Variants in MED26 observed in about 807,000 individuals in gnomAD.
MED26 encodes mediator of RNA polymerase II transcription subunit 26.
In MED26, 7 loss-of-function variants were observed where a neutral mutation model predicts 43.7. The ratio of observed to expected loss-of-function variants is 0.16; its 90% confidence interval spans 0.09 to 0.30. The LOEUF (loss-of-function observed/expected upper bound fraction) is 0.30, where lower values mean the gene tolerates loss of function less well. Ranked by LOEUF, MED26 falls within the 10% of genes least tolerant of loss-of-function variation. The pLI is 1.00. For synonymous variants in MED26, 375 were observed against 371.1 expected (o/e 1.01, Z -0.12); for missense variants, 784 against 840.6 (o/e 0.93, Z 0.83).
intron 1 of MED26, chr19:16,612,302 T>C (rs900435360): frequency 1.3e-5 from 2 of 152,218 alleles, no homozygotes; most frequent in African/African-American, 4.8e-5. Context: ...GTTTTTTTCT[T>C]GAGACAGGGT....
chr19:16,612,352 T>C (rs2086203475), intron 1 of MED26: 1 of 152,106 alleles, frequency 6.6e-6, no homozygotes, highest in Non-Finnish European at 1.5e-5. Context: ...TAGCGTGATC[T>C]TGGCTCACCC....
chr19:16,578,331 T>C lies in MED26; in HGVS notation c.147+4A>G. On this transcript the variant is annotated splice_donor_region_variant and intron_variant, in intron 2 of 2. Coordinates refer to ENST00000263390, the MANE Select transcript of MED26 (RefSeq NM_004831.5). ...TCCCAAATGCTGGGGTCTGGGATAC[T>C]CACCTCAAGTGCCTCTTTGGTAATA... The C allele has an allele frequency of 6.2e-7, 1 of 1,613,874 alleles. No individual in the cohort carries two copies. The highest frequency in any genetic ancestry group is 2.2e-5 in the East Asian group (1 of 44,870).
chr19:16,596,065 C>T (rs1253012891), intron 1 of MED26, among the ~76,000 whole-genome samples: 6 of 152,256 alleles, frequency 3.9e-5, no homozygotes, highest in East Asian at 3.9e-4. Context: ...GATTGGAGTG[C>T]AGTGGCACCA....
chr19:16,616,936 G>C (rs555245610), intron 1 of MED26, among the ~76,000 whole-genome samples: 33 of 152,260 alleles, frequency 2.2e-4, no homozygotes, highest in Admixed American at 1.5e-3. Flanking sequence ...GCCCTAAAGA[G>C]AAGACAACCT....
intron 1 of MED26, among the ~76,000 whole-genome samples, chr19:16,590,469 T>A (rs1297132967): frequency 6.6e-6 from 1 of 152,234 alleles, no homozygotes; most frequent in Non-Finnish European, 1.5e-5. Flanking sequence ...TACTCCTAGT[T>A]TGCTGAGAGG....
rs1315570535 is a variant in MED26, at chr19:16,586,683, A to G, written c.73-8274T>C. Among the ~76,000 whole-genome samples the G allele has an allele frequency of 6.6e-6, 1 of 152,162 alleles. No individual in the cohort carries two copies. Among genetic ancestry groups the G allele is most frequent in the Non-Finnish European group, 1.5e-5 (1 of 68,024 alleles). On this transcript the variant is annotated intron_variant, in intron 1 of 2. Coordinates refer to ENST00000263390, the MANE Select transcript of MED26 (RefSeq NM_004831.5). This position sits in a 1 kb window ranked among gnomAD's most constrained non-coding sequence, Gnocchi z 5.1. ...CGGGCTGGCCCTGGGAACAGTGCAC[A>G]TGGAGCACAGACTGCAGTTCTGCAC... is the stretch of plus-strand genomic sequence containing the variant.
intron 1 of MED26, among the ~76,000 whole-genome samples, chr19:16,609,895 C>G (rs544018558): frequency 6.7e-6 from 1 of 148,492 alleles, no homozygotes; most frequent in East Asian, 2.0e-4. Context: ...AAACAAAACC[C>G]ACACCCTAAC....
chr19:16,613,487 A>G (rs1213375328), intron 1 of MED26, among the ~76,000 whole-genome samples: 2 of 152,108 alleles, frequency 1.3e-5, no homozygotes, highest in African/African-American at 2.4e-5. Flanking sequence ...CCGAGGTGGA[A>G]AAAGACAGCA....
intron 1 of MED26, among the ~76,000 whole-genome samples, chr19:16,602,340 C>G (rs2086153794): frequency 6.6e-6 from 1 of 152,190 alleles, no homozygotes; most frequent in African/African-American, 2.4e-5. Flanking sequence ...GGTGGAAGGT[C>G]TTCCTCACAC....
At chr19:16,613,647 C>A (rs1474323037) in intron 1 of MED26, among the ~76,000 whole-genome samples, 2 of 152,224 alleles carry the variant, frequency 1.3e-5, no homozygotes, top group East Asian at 3.8e-4. Context: ...GGGCTCACAG[C>A]TGTGCAGTGC....
In MED26 at chr19:16,577,281, G is replaced by A. The variant is rs374700479; in HGVS notation, c.549C>T (p.Asn183=). 1.0e-4 allele frequency: 166 copies of A among 1,611,666 alleles called. 1 individual carries two copies. Among genetic ancestry groups the A allele is most frequent in the East Asian group, 8.9e-5 (4 of 44,826 alleles). ...LVPNSSPLPT[N]GISGSPESFA... ...AGCTCTCTGGACTCCCACTGATCCC[G>A]TTGGTGGGGAGGGGGGATGAGTTGG... is the stretch of plus-strand genomic sequence containing the variant. Residue 183 remains asparagine, a synonymous_variant, in exon 3 of 3, where the codon AAC becomes AAT. Transcript: ENST00000263390. This position sits in a 1 kb window ranked among gnomAD's most constrained non-coding sequence, Gnocchi z 8.1.
chr19:16,579,413 C>T (rs2086032772), intron 1 of MED26, among the ~76,000 whole-genome samples: 2 of 152,238 alleles, frequency 1.3e-5, no homozygotes, highest in Non-Finnish European at 2.9e-5. Context: ...ACTGACAACA[C>T]TAGGTACTTC....
intron 1 of MED26, among the ~76,000 whole-genome samples, chr19:16,622,581 T>C (rs578074117): frequency 5.4e-4 from 82 of 152,316 alleles, no homozygotes; most frequent in African/African-American, 1.9e-3. Context: ...AGCGGCTGTT[T>C]TGGAAGGTGC....
In MED26 at chr19:16,627,119, G is replaced by C. The variant is rs2086281730; in HGVS notation, c.72+753C>G. ...ACTGAAACAGAGCTCTTGGGTAAAC[G>C]GGAGAGAAAAGTCCTCTTTAATTCA... On this transcript the variant is annotated intron_variant, in intron 1 of 2. Coordinates refer to ENST00000263390, the MANE Select transcript of MED26 (RefSeq NM_004831.5). Among the ~76,000 whole-genome samples the C allele has an allele frequency of 3.9e-5, 6 of 152,236 alleles. No homozygotes were observed. The South Asian group carries it at 1.2e-3, about 32-fold the overall frequency.
At chr19:16,627,753 C>T (rs551236825) in intron 1 of MED26, 119 bp downstream of exon 1, 2 of 656,158 alleles carry the variant, frequency 3.0e-6, no homozygotes, top group Non-Finnish European at 4.5e-6. Flanking sequence ...GGCAGCGGCC[C>T]TCGAGGGGAG....
chr19:16,582,402 C>A (rs2086050204), intron 1 of MED26, among the ~76,000 whole-genome samples: 1 of 152,268 alleles, frequency 6.6e-6, no homozygotes, highest in Non-Finnish European at 1.5e-5. Flanking sequence ...AGCCAGAAGG[C>A]TCCACAGAGC....
At chr19:16,624,124 AC>A (rs145620268) in intron 1 of MED26, among the ~76,000 whole-genome samples, 7,840 of 151,292 alleles carry the variant, frequency 0.052, 267 homozygotes, top group Non-Finnish European at 0.063. Context: ...AAAAAAAAAA[AC>A]CCCTTCTAGA....
At chr19:16,594,477 G>T (rs1304207614) in intron 1 of MED26, among the ~76,000 whole-genome samples, 3 of 152,326 alleles carry the variant, frequency 2.0e-5, no homozygotes, top group Admixed American at 2.0e-4. Context: ...GATTTGGCCT[G>T]GGCTAAATGC....
intron 1 of MED26, among the ~76,000 whole-genome samples, chr19:16,583,714 A>T (rs2086057072): frequency 6.6e-6 from 1 of 152,154 alleles, no homozygotes; most frequent in Non-Finnish European, 1.5e-5. Context: ...ATGAATGTTG[A>T]TGGAACTGAC....
Sources: gnomAD v4.1 joint callset for allele counts (sites outside exome capture counted in the v4.1 genomes callset) on GRCh38, gnomAD v4.1.1 for gene constraint, Gnocchi (gnomAD v3.1) non-coding constraint, MANE v1.5 for transcripts, NCBI Gene and HGNC (gene_info 2026-07-23, HGNC 2026-07-21) for gene names.